BCAR3: variants seen among roughly 807,000 people sequenced by gnomAD.
BCAR3 encodes breast cancer anti-estrogen resistance protein 3.
In BCAR3, 37 loss-of-function variants were observed where a neutral mutation model predicts 80.1. The ratio of observed to expected loss-of-function variants is 0.46; its 90% CI spans 0.36 to 0.61. BCAR3 has a LOEUF of 0.61. Among genes scored for constraint, BCAR3 ranks in the 20% least tolerant of loss-of-function variants. The pLI, the probability that BCAR3 is intolerant of heterozygous loss-of-function variation, is 0.00. For missense variants in BCAR3, 978 were observed against 1,068.2 expected (o/e 0.92, Z 1.18); for synonymous variants, 389 against 418.9 (o/e 0.93, Z 0.87).
intron 2 of BCAR3, among the ~76,000 whole-genome samples, chr1:93,708,717 C>T (rs1289949708): frequency 6.6e-6 from 1 of 152,132 alleles, no homozygotes; most frequent in African/African-American, 2.4e-5. Context: ...TATTCACCAC[C>T]ACATCATATC....
In BCAR3 at chr1:93,592,316, G is replaced by A. The variant is rs1253185848; in HGVS notation, c.435C>T (p.Ser145=). ...AGGCATGGCTGCGCAGGTCCTCGCT[G>A]CTCAGGAGCAGCTCCTCCTCCAGCT... The part of the protein sequence containing the change: ...KKELEEELLL[S]SEDLRSHAWY... Residue 145 remains serine (S), a synonymous_variant, in exon 4 of 12, where the codon AGC becomes AGT. Transcript: ENST00000260502. This position sits in a 1 kb window ranked among gnomAD's most constrained non-coding sequence, Gnocchi z 4.8. The A allele has an allele frequency of 3.1e-6, 5 of 1,611,790 alleles. No individual in the cohort carries two copies. In the East Asian group the frequency reaches 6.7e-5, roughly 22 times the overall value.
chr1:93,624,243 C>T (rs1675393768), intron 3 of BCAR3, among the ~76,000 whole-genome samples: 1 of 152,224 alleles, frequency 6.6e-6, no homozygotes, highest in African/African-American at 2.4e-5. Flanking sequence ...TGTGGAAGGC[C>T]ACAGGACCCA....
At position 93,642,241 on chromosome 1, in the gene BCAR3, G is replaced by T. The variant is rs1300085541; in HGVS notation, c.357+63C>A. ...GGCTGCAGCATTATTTAGCAACTCT[G>T]TGTTCCAAATGGGAAATCTACTACC... On this transcript the variant is annotated intron_variant, in intron 3 of 11. Coordinates refer to ENST00000260502, the MANE Select transcript of BCAR3 (RefSeq NM_003567.4). 1.9e-6 allele frequency: 3 copies of T among 1,538,972 alleles called. No homozygotes were observed. In the East Asian group the frequency reaches 6.7e-5, roughly 35 times the overall value.
chr1:93,819,694 T>C (rs1654146507), intron 2 of BCAR3, among the ~76,000 whole-genome samples: 1 of 152,218 alleles, frequency 6.6e-6, no homozygotes, highest in Admixed American at 6.5e-5. Flanking sequence ...GAGTATCTTT[T>C]CACCTACCAC....
chr1:93,636,066 T>C (rs1675769675), intron 3 of BCAR3, among the ~76,000 whole-genome samples: 1 of 152,232 alleles, frequency 6.6e-6, no homozygotes, highest in Non-Finnish European at 1.5e-5. Flanking sequence ...GGTGACCTAA[T>C]ATATCCCCAG....
intron 2 of BCAR3, among the ~76,000 whole-genome samples, chr1:93,756,021 T>A (rs527433504): frequency 2.0e-5 from 3 of 152,270 alleles, no homozygotes; most frequent in South Asian, 2.1e-4. Context: ...GGAGAATACG[T>A]CCCCAGTTTC....
At chr1:93,618,883 G>A (rs866177060) in intron 3 of BCAR3, among the ~76,000 whole-genome samples, 3 of 146,742 alleles carry the variant, frequency 2.0e-5, no homozygotes, top group African/African-American at 7.5e-5. Flanking sequence ...ATGTTGTTCC[G>A]TTTTGCTCTG....
intron 8 of BCAR3, among the ~76,000 whole-genome samples, chr1:93,572,842 C>T (rs977892193): frequency 2.6e-5 from 4 of 152,208 alleles, no homozygotes; most frequent in African/African-American, 9.7e-5. Context: ...GTGCTCTCTC[C>T]GTGCCCAGGT....
chr1:93,804,810 T>C (rs6688941), intron 2 of BCAR3, among the ~76,000 whole-genome samples: 21,545 of 152,218 alleles, frequency 0.14, 2,489 homozygotes, highest in African/African-American at 0.31. Context: ...AGTTGATGAA[T>C]ATTTGAGTTG....
chr1:93,756,956 T>C (rs1651769943), intron 2 of BCAR3, among the ~76,000 whole-genome samples: 1 of 151,746 alleles, frequency 6.6e-6, no homozygotes, highest in Non-Finnish European at 1.5e-5. Flanking sequence ...TTGCCTGGAA[T>C]GGAAAAGGCA....
chr1:93,824,443 A>G lies in BCAR3; in HGVS notation c.-63+21124T>C, dbSNP rs181973776. Among the ~76,000 whole-genome samples the G allele has an allele frequency of 1.6e-4, 21 of 133,132 alleles. 6 individuals carry two copies. Among genetic ancestry groups the G allele is most frequent in the Non-Finnish European group, 3.1e-4 (18 of 58,874 alleles). The allele number at this position is 133,132 out of a possible 152,430, so 87.3% of individuals were successfully genotyped here. On this transcript the variant is annotated intron_variant, in intron 2 of 13. Coordinates refer to the BCAR3 transcript ENST00000370244. ...TGGGTAGGTGGAGGCTAACTCCTTC[A>G]GCTAAAAGGGCCCATTCTTTCTTCT...
chr1:93,647,131 G>A (rs1408962141), intron 2 of BCAR3, among the ~76,000 whole-genome samples: 1 of 152,032 alleles, frequency 6.6e-6, no homozygotes, highest in Non-Finnish European at 1.5e-5. Context: ...ACAAGGTAAA[G>A]GAATCAGGAA....
At chr1:93,712,715 A>G (rs973796279) in intron 2 of BCAR3, among the ~76,000 whole-genome samples, 4 of 152,154 alleles carry the variant, frequency 2.6e-5, no homozygotes, top group African/African-American at 7.2e-5. Flanking sequence ...CATCAGCTCT[A>G]TGGCATAGGA....
chr1:93,845,502 A>ATATATATCTATATCTCATGTTGTC, intron 2 of BCAR3: 1 of 113,818 alleles, frequency 8.8e-6, no homozygotes, highest in South Asian at 2.6e-4. Flanking sequence ...ATATATATAT[A>ATATATATCTATATCTCATGTTGTC]AAACTTTGTT....
intron 2 of BCAR3, among the ~76,000 whole-genome samples, chr1:93,720,550 G>A (rs1650356828): frequency 6.6e-6 from 1 of 152,164 alleles, no homozygotes; most frequent in African/African-American, 2.4e-5. Flanking sequence ...CGCCTTCCCA[G>A]ACCACAGCGC....
rs377082383 is a variant in BCAR3 at position 93,748,579 on chromosome 1, G to A, written c.-62-42437C>T. ...TTTAATTTCTGGCTCTTCATTAAAGGGAAGTAGCCCCTTTGGTCACCATCC... is the reference window on the plus strand; with the variant it reads ...TTTAATTTCTGGCTCTTCATTAAAGAGAAGTAGCCCCTTTGGTCACCATCC... On this transcript the variant is annotated intron_variant, in intron 2 of 13. Transcript: ENST00000370244. 3.3e-5 allele frequency among the ~76,000 whole-genome samples: 5 copies of A among 152,130 alleles called. No individual in the cohort carries two copies. The East Asian group carries it at 7.7e-4, about 23-fold the overall frequency.
chr1:93,680,573 C>T (rs1187713306), intron 1 of BCAR3, among the ~76,000 whole-genome samples: 1 of 152,250 alleles, frequency 6.6e-6, no homozygotes, highest in Non-Finnish European at 1.5e-5. Flanking sequence ...AAATGACCTT[C>T]CCTCGGCCAG....
In BCAR3 at chr1:93,562,178, G is replaced by A. The variant is rs1672701710; in HGVS notation, c.*63C>T. ...ATTATTACTTTATCAAAAACAGTAA[G>A]CTTTCCCAAAGATGAAGCTGGGGAA... On this transcript the variant is annotated 3_prime_UTR_variant, in exon 12 of 12. Transcript: ENST00000260502. 1 of 1,509,532 alleles carries A rather than the reference G, an allele frequency of 6.6e-7. No individual in the cohort carries two copies. Among genetic ancestry groups the A allele is most frequent in the Admixed American group, 2.0e-5 (1 of 50,550 alleles). The allele number at this position is 1,509,532 out of a possible 1,614,324, so 93.5% of individuals were successfully genotyped here. A position where few individuals can be genotyped will look rare whatever the true frequency, so the allele number is the denominator to read the frequency against.
intron 1 of BCAR3, among the ~76,000 whole-genome samples, chr1:93,846,273 G>T (rs1231424315): frequency 6.6e-6 from 1 of 152,220 alleles, no homozygotes; most frequent in Non-Finnish European, 1.5e-5. Context: ...GGGTATGGGT[G>T]AAGCACAGGG....
Sources: allele counts gnomAD v4.1 joint callset (sites outside exome capture counted in the v4.1 genomes callset), GRCh38; gene constraint gnomAD v4.1.1; non-coding constraint Gnocchi (gnomAD v3.1); transcripts MANE v1.5; gene names NCBI Gene and HGNC (gene_info 2026-07-23, HGNC 2026-07-21).